The following RBFOX1 variants were observed in gnomAD, a reference collection of about 807,000 sequenced individuals.
The protein encoded by RBFOX1 is RNA binding fox-1 homolog 1.
RBFOX1 carries 8 observed loss-of-function variants against 57.7 expected under a neutral mutation model. The ratio of observed to expected loss-of-function variants is 0.14; its 90% CI spans 0.08 to 0.25. The LOEUF (loss-of-function observed/expected upper bound fraction) is 0.25, where lower values mean the gene tolerates loss of function less well. Among genes scored for constraint, RBFOX1 ranks in the 10% least tolerant of loss-of-function variants. The probability of loss-of-function intolerance (pLI) is 1.00; values close to 1 mark genes in which losing one functional copy is unlikely to be tolerated. For missense variants in RBFOX1, 611 were observed against 548.5 expected (o/e 1.11, Z -1.14); for synonymous variants, 326 against 222.4 (o/e 1.47, Z -4.15).
chr16:6,687,350 G>A (rs1313066488), intron 3 of RBFOX1, among the ~76,000 whole-genome samples: 1 of 152,158 alleles, frequency 6.6e-6, no homozygotes, highest in African/African-American at 2.4e-5. Flanking sequence ...TACACTACTT[G>A]CGTGACAGGT....
At chr16:6,036,255 A>G (rs1187091800) in intron 1 of RBFOX1, among the ~76,000 whole-genome samples, 1 of 152,182 alleles carries the variant, frequency 6.6e-6, no homozygotes, top group African/African-American at 2.4e-5. Flanking sequence ...GGGGAACTGA[A>G]CCATCCAAGA....
chr16:6,901,231 C>T (rs145944204), intron 3 of RBFOX1, among the ~76,000 whole-genome samples: 79 of 152,286 alleles, frequency 5.2e-4, no homozygotes, highest in African/African-American at 1.9e-3. Context: ...GAGGAAAGAT[C>T]AGACTTCATT....
chr16:5,485,550 T>C (rs1331598474), intron 2 of RBFOX1, among the ~76,000 whole-genome samples: 2 of 152,046 alleles, frequency 1.3e-5, no homozygotes, highest in Non-Finnish European at 2.9e-5. Context: ...AGTACCACAA[T>C]TAGGGACTTA....
chr16:7,425,836 C>T (rs961223048), intron 4 of RBFOX1, among the ~76,000 whole-genome samples: 2 of 152,078 alleles, frequency 1.3e-5, no homozygotes, highest in African/African-American at 4.8e-5. Context: ...AAAATACTGC[C>T]TTGTTAATTT....
chr16:5,558,423 G>A (rs1444007309), intron 2 of RBFOX1, among the ~76,000 whole-genome samples: 4 of 152,044 alleles, frequency 2.6e-5, no homozygotes, highest in Non-Finnish European at 4.4e-5. Context: ...TCTGAGCATC[G>A]AGGAGACTGA....
chr16:6,890,582 T>A (rs2065177727), intron 3 of RBFOX1, among the ~76,000 whole-genome samples: 1 of 152,204 alleles, frequency 6.6e-6, no homozygotes, highest in South Asian at 2.1e-4. Context: ...GGTAAAGTGA[T>A]AGATTTAAGG....
intron 1 of RBFOX1, among the ~76,000 whole-genome samples, chr16:6,165,465 G>C (rs2096910304): frequency 1.3e-5 from 2 of 152,140 alleles, no homozygotes; most frequent in Non-Finnish European, 2.9e-5. Flanking sequence ...GGAGCTATTT[G>C]CAGAAGTCTC....
chr16:6,676,004 A>G (rs2057579262), intron 3 of RBFOX1, among the ~76,000 whole-genome samples: 1 of 152,210 alleles, frequency 6.6e-6, no homozygotes, highest in East Asian at 1.9e-4. Flanking sequence ...ATGGGAGAGG[A>G]GAGGTTCTCA....
At chr16:5,489,106 C>T (rs2042741496) in intron 2 of RBFOX1, among the ~76,000 whole-genome samples, 1 of 152,166 alleles carries the variant, frequency 6.6e-6, no homozygotes, top group South Asian at 2.1e-4. Context: ...TCAGACGCTG[C>T]CTGTCCAGCT....
At chr16:7,564,540 CAAAAAAAAAAAAAA>C (rs5815409) in intron 5 of RBFOX1, among the ~76,000 whole-genome samples, 4 of 82,518 alleles carry the variant, frequency 4.8e-5, no homozygotes, top group East Asian at 1.1e-3. Flanking sequence ...GACTCCATCT[CAAAAAAAAAAAAAA>C]AAAAAAAAAA....
chr16:6,579,179 TTTTTG>T (rs748031343), intron 2 of RBFOX1, among the ~76,000 whole-genome samples: 38 of 152,142 alleles, frequency 2.5e-4, no homozygotes, highest in Non-Finnish European at 5.1e-4. Context: ...CTTAGTTCTG[TTTTTG>T]TTTTGTTTTC....
At chr16:6,335,237 G>A (rs2083483785) in intron 2 of RBFOX1, among the ~76,000 whole-genome samples, 1 of 152,168 alleles carries the variant, frequency 6.6e-6, no homozygotes, top group Non-Finnish European at 1.5e-5. Context: ...TCAGAGAAAT[G>A]GGAGGCAAAA....
At chr16:6,921,589 G>A (rs972399438) in intron 3 of RBFOX1, among the ~76,000 whole-genome samples, 7 of 150,764 alleles carry the variant, frequency 4.6e-5, no homozygotes, top group Non-Finnish European at 8.8e-5. Context: ...TTCAAGCAGT[G>A]GAGAAAGAAT....
intron 4 of RBFOX1, among the ~76,000 whole-genome samples, chr16:7,167,295 A>T (rs1010913054): frequency 6.6e-6 from 1 of 151,634 alleles, no homozygotes; most frequent in African/African-American, 2.4e-5. Context: ...TGAAAATAGG[A>T]TTTTTACGGA....
rs201825794 is a variant in RBFOX1, at chr16:5,343,599, G to T, written c.219+103494G>T. The stretch of plus-strand genomic sequence containing the variant: ...GCCTCCCAAAGTGCTGGGATTACAG[G>T]CATGAGCCACTGCGCCCGGCCACTT... On this transcript the variant is annotated intron_variant, in intron 1 of 2. Coordinates refer to the RBFOX1 transcript ENST00000585867. Among the ~76,000 whole-genome samples the T allele has an allele frequency of 9.2e-5, 14 of 152,160 alleles. No homozygotes were observed. The East Asian group carries it at 2.1e-3, about 23-fold the overall frequency.
intron 5 of RBFOX1, among the ~76,000 whole-genome samples, chr16:7,558,377 TACACGCGC>T (rs1658650393): frequency 6.6e-6 from 1 of 151,390 alleles, no homozygotes; most frequent in African/African-American, 2.4e-5. Context: ...CATATATATA[TACACGCGC>T]ACACACTCAC....
At chr16:7,522,661 A>G (rs1399059284) in intron 5 of RBFOX1, among the ~76,000 whole-genome samples, 1 of 152,206 alleles carries the variant, frequency 6.6e-6, no homozygotes, top group Non-Finnish European at 1.5e-5. Flanking sequence ...TTTAGATTCA[A>G]CTAATTTATG....
intron 3 of RBFOX1, among the ~76,000 whole-genome samples, chr16:5,751,183 G>T (rs1434941932): frequency 6.6e-6 from 1 of 152,282 alleles, no homozygotes; most frequent in East Asian, 1.9e-4. Context: ...AGTTTGAGGA[G>T]CTCTCCCCGA....
At chr16:6,159,434 T>G (rs1026627344) in intron 1 of RBFOX1, among the ~76,000 whole-genome samples, 4 of 152,126 alleles carry the variant, frequency 2.6e-5, no homozygotes, top group African/African-American at 9.7e-5. Flanking sequence ...GGAATAGTTG[T>G]GAGCAAAGAA....
Sources: gnomAD v4.1 joint callset for allele counts (sites outside exome capture counted in the v4.1 genomes callset) on GRCh38, gnomAD v4.1.1 for gene constraint, MANE v1.5 for transcripts, NCBI Gene and HGNC (gene_info 2026-07-23, HGNC 2026-07-21) for gene names.